Variants in LRRC37A2 observed in about 807,000 individuals in gnomAD.
The protein encoded by LRRC37A2 is leucine-rich repeat-containing protein 37A2.
LRRC37A2 carries 9 observed loss-of-function variants against 68.8 expected under a neutral mutation model. That is an observed-to-expected ratio of 0.13 (90% confidence interval 0.08 to 0.23). The LOEUF (loss-of-function observed/expected upper bound fraction) is 0.23. Among genes scored for constraint, LRRC37A2 ranks in the 10% least tolerant of loss-of-function variants. The pLI is 1.00. For synonymous variants in LRRC37A2, 63 were observed against 367.6 expected (o/e 0.17, Z 9.48); for missense variants, 168 against 950.4 (o/e 0.18, Z 10.82).
the LRRC37A2 span, among the ~76,000 whole-genome samples, chr17:46,823,201 TATATA>T: frequency 7.6e-6 from 1 of 132,338 alleles, no homozygotes; most frequent in Non-Finnish European, 1.5e-5. Context: ...TATATATTTA[TATATA>T]ATATATTATA....
At chr17:46,585,273 G>A in the LRRC37A2 span, among the ~76,000 whole-genome samples, 1 of 145,970 alleles carries the variant, frequency 6.9e-6, no homozygotes, top group Admixed American at 6.8e-5. Context: ...AGCTGAGATC[G>A]TTCCACTGCA....
downstream of LRRC37A2, among the ~76,000 whole-genome samples, chr17:46,558,518 C>T (rs1373746660): frequency 1.7e-5 from 2 of 121,000 alleles, no homozygotes; most frequent in Non-Finnish European, 3.4e-5. Flanking sequence ...TCCCGAATAG[C>T]TGGGATTACA....
the LRRC37A2 span, among the ~76,000 whole-genome samples, chr17:46,968,085 T>C: frequency 0.94 from 143,003 of 152,094 alleles, 67,864 homozygotes; most frequent in East Asian, 1. Context: ...TTGGGGCATA[T>C]GGCATGGCCC....
At chr17:46,940,024 A>G in the LRRC37A2 span, 2 of 1,040,442 alleles carry the variant, frequency 1.9e-6, no homozygotes, top group Non-Finnish European at 2.3e-6. Context: ...TATTAACCCT[A>G]CCTTTGGTTG....
At chr17:46,782,464 G>A in the LRRC37A2 span, among the ~76,000 whole-genome samples, 1 of 152,190 alleles carries the variant, frequency 6.6e-6, no homozygotes, top group Non-Finnish European at 1.5e-5. Flanking sequence ...TTGTTCCTGG[G>A]CCCAGAAGGG....
the LRRC37A2 span, among the ~76,000 whole-genome samples, chr17:46,856,776 G>A: frequency 1.4e-4 from 21 of 152,094 alleles, no homozygotes; most frequent in African/African-American, 4.3e-4. Context: ...GCACCACCAC[G>A]GCCAGCCAAT....
At chr17:47,032,554 T>G in the LRRC37A2 span, among the ~76,000 whole-genome samples, 1 of 152,072 alleles carries the variant, frequency 6.6e-6, no homozygotes, top group Non-Finnish European at 1.5e-5. Flanking sequence ...GAACAGGACC[T>G]GTAGAGCAGT....
the LRRC37A2 span, among the ~76,000 whole-genome samples, chr17:46,813,101 G>A: frequency 6.6e-6 from 1 of 152,006 alleles, no homozygotes; most frequent in Non-Finnish European, 1.5e-5. Context: ...GAGTGGGGCA[G>A]CCAGCTCTTT....
the LRRC37A2 span, among the ~76,000 whole-genome samples, chr17:46,635,816 T>TGTGTGTGTGTGC: frequency 7.1e-6 from 1 of 140,608 alleles, no homozygotes; most frequent in East Asian, 1.9e-4. Context: ...TGTGTGTGTG[T>TGTGTGTGTGTGC]GTGCTCGTGT....
chr17:46,965,315 G>T, the LRRC37A2 span, among the ~76,000 whole-genome samples: 1 of 152,198 alleles, frequency 6.6e-6, no homozygotes, highest in Non-Finnish European at 1.5e-5. Context: ...CCTCCCTGGT[G>T]CCCTGCTCAT....
At chr17:46,952,537 A>G in the LRRC37A2 span, 1 of 152,192 alleles carries the variant, frequency 6.6e-6, no homozygotes, top group African/African-American at 2.4e-5. Flanking sequence ...CTGGTCAATA[A>G]GATATGGGCA....
chr17:46,940,583 C>T, the LRRC37A2 span: 2,631 of 1,614,184 alleles, frequency 1.6e-3, 3 homozygotes, highest in Non-Finnish European at 2.1e-3. Flanking sequence ...AGACAGCACA[C>T]TTTGGAGGAA....
chr17:46,768,206 G>A, the LRRC37A2 span: 16 of 1,517,548 alleles, frequency 1.1e-5, no homozygotes, highest in Admixed American at 1.9e-5. The surrounding 1 kb of genome is among the most constrained non-coding windows in gnomAD (Gnocchi z 5.0). Flanking sequence ...TGTGTGTCTT[G>A]GATAGCTTAG....
the LRRC37A2 span, among the ~76,000 whole-genome samples, chr17:46,894,158 C>T: frequency 6.6e-6 from 1 of 152,342 alleles, no homozygotes; most frequent in South Asian, 2.1e-4. Context: ...GATGGTATAA[C>T]AAATTCACCC....
At chr17:46,814,663 C>T in the LRRC37A2 span, among the ~76,000 whole-genome samples, 1 of 152,228 alleles carries the variant, frequency 6.6e-6, no homozygotes, top group African/African-American at 2.4e-5. Context: ...CCAGCCCCAG[C>T]GAGCTGTAAT....
At chr17:47,001,588 G>A in the LRRC37A2 span, among the ~76,000 whole-genome samples, 2 of 151,992 alleles carry the variant, frequency 1.3e-5, no homozygotes, top group Non-Finnish European at 2.9e-5. Flanking sequence ...TCACAATCAA[G>A]ATAGTGAAGA....
the LRRC37A2 span, among the ~76,000 whole-genome samples, chr17:46,816,119 A>ACACACACACACACGCACG: frequency 0.56 from 84,303 of 150,504 alleles, 23,728 homozygotes; most frequent in South Asian, 0.74. Flanking sequence ...ACGTACACAC[A>ACACACACACACACGCACG]CACACACACA....
At chr17:46,856,907 C>T in the LRRC37A2 span, among the ~76,000 whole-genome samples, 3 of 152,200 alleles carry the variant, frequency 2.0e-5, no homozygotes, top group African/African-American at 7.2e-5. Flanking sequence ...CTTTGTTCCT[C>T]TTTGCAATCA....
At chr17:46,789,382 T>C in the LRRC37A2 span, among the ~76,000 whole-genome samples, 2 of 152,082 alleles carry the variant, frequency 1.3e-5, no homozygotes, top group Non-Finnish European at 2.9e-5. Flanking sequence ...TGGGGTGGTT[T>C]TGAAAAATAC....
Sources: gnomAD v4.1 joint callset for allele counts (sites outside exome capture counted in the v4.1 genomes callset) on GRCh38, gnomAD v4.1.1 for gene constraint, Gnocchi (gnomAD v3.1) non-coding constraint, MANE v1.5 for transcripts, NCBI Gene and HGNC (gene_info 2026-07-23, HGNC 2026-07-21) for gene names.